ZFHX3: variants seen among roughly 807,000 people sequenced by gnomAD.
ZFHX3 encodes zinc finger homeobox protein 3.
In ZFHX3, 42 loss-of-function variants were observed where a neutral mutation model predicts 279.1. The observed-to-expected ratio is 0.15, with a 90% confidence interval of 0.12 to 0.19. The LOEUF (loss-of-function observed/expected upper bound fraction) is 0.19. ZFHX3 is among the 10% of genes least tolerant of loss of function. ZFHX3 has a pLI of 1.00. For missense variants in ZFHX3, 4,981 were observed against 4,754.0 expected, an observed-to-expected ratio of 1.05 and a Z score of -1.40; for synonymous variants, 2,293 against 1,957.8, an observed-to-expected ratio of 1.17 and a Z score of -4.52.
At chr16:73,554,334 T>C (rs1399952159) in intron 2 of ZFHX3, 1 of 152,210 alleles carries the variant, frequency 6.6e-6, no homozygotes, top group Non-Finnish European at 1.5e-5. Flanking sequence ...AGCCATTTCT[T>C]TACTCTGGAT....
At chr16:72,858,244 T>C (rs894607173) in intron 4 of ZFHX3, among the ~76,000 whole-genome samples, 1 of 152,248 alleles carries the variant, frequency 6.6e-6, no homozygotes, top group Non-Finnish European at 1.5e-5. Flanking sequence ...GCTGACTTTA[T>C]GACTTATTTA....
chr16:73,690,421 C>G (rs1311985953), intron 1 of ZFHX3, among the ~76,000 whole-genome samples: 1 of 152,190 alleles, frequency 6.6e-6, no homozygotes, highest in Non-Finnish European at 1.5e-5. Context: ...ACATGCAATC[C>G]TGAGCTGCAC....
intron 2 of ZFHX3, among the ~76,000 whole-genome samples, chr16:73,635,342 A>C (rs2142151056): frequency 6.6e-6 from 1 of 152,312 alleles, no homozygotes; most frequent in East Asian, 1.9e-4. Context: ...ACATTGAATT[A>C]TTTAGTGGGT....
At chr16:73,445,218 T>C (rs1257345196) in intron 3 of ZFHX3, among the ~76,000 whole-genome samples, 1 of 151,250 alleles carries the variant, frequency 6.6e-6, no homozygotes, top group East Asian at 2.1e-4. Flanking sequence ...AATTCGAATA[T>C]ATAATTCATG....
chr16:73,117,344 C>T (rs954438474), intron 7 of ZFHX3, among the ~76,000 whole-genome samples: 4 of 152,116 alleles, frequency 2.6e-5, no homozygotes, highest in Non-Finnish European at 5.9e-5. Flanking sequence ...TACCAATATG[C>T]ACATGCATAA....
intron 5 of ZFHX3, among the ~76,000 whole-genome samples, chr16:73,206,753 C>T (rs374165767): frequency 4.4e-4 from 67 of 152,238 alleles, no homozygotes; most frequent in Non-Finnish European, 8.7e-4. Context: ...CATGGTGGCT[C>T]ATGCCTGTAA....
chr16:73,757,623 G>C (rs1482711904), intron 1 of ZFHX3, among the ~76,000 whole-genome samples: 2 of 152,162 alleles, frequency 1.3e-5, no homozygotes, highest in Non-Finnish European at 2.9e-5. Context: ...AAGATAGTCA[G>C]AGTTTAGTGG....
intron 4 of ZFHX3, among the ~76,000 whole-genome samples, chr16:72,834,018 A>G (rs1467452732): frequency 6.6e-6 from 1 of 152,136 alleles, no homozygotes; most frequent in Non-Finnish European, 1.5e-5. Flanking sequence ...AGGCCGAGGT[A>G]GGTGGATTGC....
At chr16:73,149,710 A>C (rs913605125) in intron 5 of ZFHX3, among the ~76,000 whole-genome samples, 2 of 152,230 alleles carry the variant, frequency 1.3e-5, no homozygotes, top group East Asian at 1.9e-4. Flanking sequence ...TTCAATGCTT[A>C]CAAAGTAATT....
In ZFHX3 at chr16:73,321,273, A is replaced by T. The variant is rs183314374; in HGVS notation, c.-1290-2937T>A. Reference sequence around the variant, plus strand: ...TGTAAGCAGTACAGGGAAGCAGGATAGCTCAGGAGGCGAGATCCTAAACTT... The same window carrying T: ...TGTAAGCAGTACAGGGAAGCAGGATTGCTCAGGAGGCGAGATCCTAAACTT... On this transcript the variant is annotated intron_variant, in intron 3 of 17. Transcript: ENST00000641206. 8.3e-4 allele frequency among the ~76,000 whole-genome samples: 126 copies of T among 152,320 alleles called. 1 individual carries two copies. The highest frequency in any genetic ancestry group is 3.0e-3 in the African/African-American group (124 of 41,572).
chr16:73,386,762 A>AAC (rs1472118850), intron 3 of ZFHX3: 1 of 151,832 alleles, frequency 6.6e-6, no homozygotes, highest in East Asian at 1.9e-4. Flanking sequence ...AAAAAAAAAA[A>AAC]AGATTCTAGA....
At chr16:73,453,457 CCT>C (rs2018314055) in intron 3 of ZFHX3, among the ~76,000 whole-genome samples, 1 of 152,126 alleles carries the variant, frequency 6.6e-6, no homozygotes, top group South Asian at 2.1e-4. Context: ...GTCTCACTAC[CCT>C]GAGACTTCCA....
At chr16:73,219,796 T>C (rs1356003707) in intron 5 of ZFHX3, among the ~76,000 whole-genome samples, 3 of 152,142 alleles carry the variant, frequency 2.0e-5, no homozygotes, top group Non-Finnish European at 4.4e-5. Flanking sequence ...TTGAAAAATA[T>C]GTTTGGAGGC....
intron 3 of ZFHX3, among the ~76,000 whole-genome samples, chr16:72,906,041 T>C (rs1210272545): frequency 6.6e-6 from 1 of 151,866 alleles, no homozygotes; most frequent in Non-Finnish European, 1.5e-5. Context: ...TCAGATGTGA[T>C]TCCTTCCCTC....
In ZFHX3 at chr16:73,433,414, C is replaced by T. The variant is rs117069990; in HGVS notation, c.-1291+22589G>A. On this transcript the variant is annotated intron_variant, in intron 3 of 17. Transcript: ENST00000641206. ...CATCTTGCAGGTAGACAATAGATAC[C>T]GCATCAAAAACATGCACAGCACCCC... 6.7e-3 allele frequency among the ~76,000 whole-genome samples: 1,021 copies of T among 152,214 alleles called. 6 individuals carry two copies. Among genetic ancestry groups the T allele is most frequent in the Non-Finnish European group, 0.01 (703 of 68,024 alleles).
intron 4 of ZFHX3, among the ~76,000 whole-genome samples, chr16:73,286,180 C>T (rs1253766678): frequency 6.6e-6 from 1 of 152,084 alleles, no homozygotes; most frequent in Non-Finnish European, 1.5e-5. Context: ...CTCTCTCACA[C>T]ACACATGCCC....
intron 1 of ZFHX3, among the ~76,000 whole-genome samples, chr16:73,841,838 T>C (rs1961316438): frequency 6.6e-6 from 1 of 152,126 alleles, no homozygotes; most frequent in Non-Finnish European, 1.5e-5. Flanking sequence ...ATAAAATATT[T>C]AAAAATACAC....
chr16:72,944,526 A>T (rs888610412), intron 3 of ZFHX3, among the ~76,000 whole-genome samples: 3 of 152,252 alleles, frequency 2.0e-5, no homozygotes, highest in Non-Finnish European at 4.4e-5. Flanking sequence ...GATGTAAAAA[A>T]GGTCTCAGGT....
chr16:73,722,060 AAACAAAACAG>A (rs1239989016), intron 1 of ZFHX3, among the ~76,000 whole-genome samples: 3 of 152,166 alleles, frequency 2.0e-5, no homozygotes, highest in Non-Finnish European at 2.9e-5. Flanking sequence ...AAGCAAAACA[AAACAAAACAG>A]AACATTATTC....
Sources: gnomAD v4.1 joint callset for allele counts (sites outside exome capture counted in the v4.1 genomes callset) on GRCh38, gnomAD v4.1.1 for gene constraint, MANE v1.5 for transcripts, NCBI Gene and HGNC (gene_info 2026-07-23, HGNC 2026-07-21) for gene names.